CLASP1: variants seen among roughly 807,000 people sequenced by gnomAD.
CLASP1 encodes cytoplasmic linker associated protein 1.
A neutral mutation model predicts 192.3 loss-of-function variants in CLASP1; 38 were observed. That is an observed-to-expected ratio of 0.20 (90% CI 0.15 to 0.26). The LOEUF is 0.26. CLASP1 is among the 10% of genes least tolerant of loss of function. The pLI is 1.00. For synonymous variants in CLASP1, 691 were observed against 712.8 expected (o/e 0.97, Z 0.49); for missense variants, 1,433 against 1,932.5 (o/e 0.74, Z 4.85).
At chr2:121,387,418 G>A (rs1455687042) in intron 31 of CLASP1, among the ~76,000 whole-genome samples, 190 bp from the exon 33 acceptor site, 2 of 151,850 alleles carry the variant, frequency 1.3e-5, no homozygotes, top group Non-Finnish European at 2.9e-5. Flanking sequence ...CATCATACAA[G>A]CACTCCTGGA....
chr2:121,358,006 T>G (rs760508748), intron 37 of CLASP1, among the ~76,000 whole-genome samples: 1 of 152,226 alleles, frequency 6.6e-6, no homozygotes, highest in Non-Finnish European at 1.5e-5. Flanking sequence ...ACCACACGAC[T>G]CTGCTTTAAC....
chr2:121,433,965 A>C (rs1216264436), intron 19 of CLASP1, among the ~76,000 whole-genome samples: 1 of 152,186 alleles, frequency 6.6e-6, no homozygotes, highest in Non-Finnish European at 1.5e-5. Context: ...CTCCACTGAT[A>C]AACTGACAAT....
At chr2:121,604,241 AGACTTT>A (rs2105900058) in intron 2 of CLASP1, among the ~76,000 whole-genome samples, 1 of 152,374 alleles carries the variant, frequency 6.6e-6, no homozygotes, top group Non-Finnish European at 1.5e-5. Context: ...TGTAGTGACT[AGACTTT>A]ATCACCTCTC....
At chr2:121,601,670 G>C (rs1417167685) in intron 2 of CLASP1, among the ~76,000 whole-genome samples, 5 of 152,080 alleles carry the variant, frequency 3.3e-5, no homozygotes, top group African/African-American at 1.2e-4. Context: ...TTAGGCAAGA[G>C]AAAGAAATAA....
chr2:121,554,451 A>G (rs2058339388), intron 2 of CLASP1, among the ~76,000 whole-genome samples: 1 of 119,966 alleles, frequency 8.3e-6, no homozygotes, highest in Non-Finnish European at 1.6e-5. Context: ...CCTCTACAAA[A>G]AGTAAAAAAA....
chr2:121,448,252 C>T (rs772382550), intron 18 of CLASP1, 24 bp downstream of exon 18: 2 of 1,606,856 alleles, frequency 1.2e-6, no homozygotes, highest in Non-Finnish European at 1.7e-6. Context: ...GAGAACAGGC[C>T]TTCTCCACGG....
chr2:121,386,232 TA>T (rs560652794), intron 32 of CLASP1, among the ~76,000 whole-genome samples: 2 of 152,198 alleles, frequency 1.3e-5, no homozygotes, highest in Non-Finnish European at 2.9e-5. Context: ...AAAGGGAAAA[TA>T]GCATACTTGT....
At chr2:121,618,040 T>C (rs919959480) in intron 1 of CLASP1, among the ~76,000 whole-genome samples, 3 of 152,346 alleles carry the variant, frequency 2.0e-5, no homozygotes, top group African/African-American at 7.2e-5. Context: ...TGCTAGCTCC[T>C]CAGAGACCCA....
chr2:121,385,355 A>G lies in CLASP1; in HGVS notation c.3374+1767T>C, dbSNP rs146750948. ...AGAAACTACATAAATAATTCCCTAA[A>G]TAAGAATTTGATAACAAGAAAATAT... is the stretch of plus-strand genomic sequence containing the variant. On this transcript the variant is annotated intron_variant, in intron 32 of 39. Coordinates refer to ENST00000263710, the Ensembl canonical transcript of CLASP1. Among the ~76,000 whole-genome samples the G allele has an allele frequency of 7.1e-3, 1,086 of 152,372 alleles. 9 individuals carry two copies. Among genetic ancestry groups the G allele is most frequent in the Middle Eastern group, 0.031 (9 of 294 alleles).
At chr2:121,407,672 G>T in exon 25 of CLASP1, 1 of 1,613,960 alleles carries the variant, frequency 6.2e-7, no homozygotes, top group Non-Finnish European at 8.5e-7. Flanking sequence ...ATCATCGTCA[G>T]AATACATCCC....
intron 10 of CLASP1, among the ~76,000 whole-genome samples, chr2:121,462,302 C>T (rs2088240412): frequency 6.6e-6 from 1 of 151,560 alleles, no homozygotes; most frequent in South Asian, 2.1e-4. Flanking sequence ...TGACCTGATC[C>T]ATAAACTTAA....
At chr2:121,562,288 G>T (rs1332493317) in intron 2 of CLASP1, among the ~76,000 whole-genome samples, 1 of 152,222 alleles carries the variant, frequency 6.6e-6, no homozygotes, top group African/African-American at 2.4e-5. Context: ...CTGCTAACCT[G>T]TGCGGAACAA....
chr2:121,534,433 A>G (rs1342460724), intron 2 of CLASP1, among the ~76,000 whole-genome samples: 1 of 152,250 alleles, frequency 6.6e-6, no homozygotes, highest in Non-Finnish European at 1.5e-5. Context: ...GTTTGTGCCC[A>G]AAAGCCCTGA....
intron 37 of CLASP1, among the ~76,000 whole-genome samples, chr2:121,358,345 A>C (rs1239811842): frequency 6.6e-6 from 1 of 152,186 alleles, no homozygotes. Context: ...TTGATAGGGT[A>C]AGAGATAAGG....
rs1482270282 is a variant in CLASP1 at position 121,542,588 on chromosome 2, GC to G, written c.196-12264del. On this transcript the variant is annotated intron_variant, in intron 2 of 39. Coordinates refer to ENST00000263710, the Ensembl canonical transcript of CLASP1. ...TTACCCAAACTTGTTATCCTTCAAA[GC>G]AGTCACCTAGGAAGTGCCTGGGTGC... Among the ~76,000 whole-genome samples the G allele has an allele frequency of 7.9e-5, 12 of 152,300 alleles. No individual in the cohort carries two copies. The East Asian group carries it at 2.3e-3, about 29-fold the overall frequency.
At position 121,366,664 on chromosome 2, in the gene CLASP1, C is replaced by T. The variant is rs527913943; in HGVS notation, c.3886+924G>A. Among the ~76,000 whole-genome samples, 33 of 152,304 alleles carry T rather than the reference C, an allele frequency of 2.2e-4. No homozygotes were observed. The East Asian group carries it at 3.3e-3, about 15-fold the overall frequency. ...GGCAACCCATACACTTCATGACACA[C>T]GGTAGGCCCTTAGTGAATGTTAACT... On this transcript the variant is annotated intron_variant, in intron 35 of 39. Coordinates refer to ENST00000263710, the Ensembl canonical transcript of CLASP1.
chr2:121,459,852 G>T, intron 12 of CLASP1, 128 bp downstream of exon 12: 1 of 739,080 alleles, frequency 1.4e-6, no homozygotes, highest in Non-Finnish European at 2.0e-6. Context: ...AGTGTTAACT[G>T]GAATGGGTCT....
chr2:121,531,109 G>T (rs996949966), intron 2 of CLASP1: 2 of 639,332 alleles, frequency 3.1e-6, no homozygotes, highest in Admixed American at 2.3e-5. Flanking sequence ...AAGACGCGTG[G>T]TTTTAGTGTC....
intron 22 of CLASP1, among the ~76,000 whole-genome samples, chr2:121,423,607 A>G (rs2079893795): frequency 6.6e-6 from 1 of 152,252 alleles, no homozygotes; most frequent in Admixed American, 6.5e-5. Context: ...CAGCTAAAAC[A>G]TAACACCTAG....
Sources: gnomAD v4.1 joint callset for allele counts (sites outside exome capture counted in the v4.1 genomes callset) on GRCh38, gnomAD v4.1.1 for gene constraint, MANE v1.5 for transcripts, NCBI Gene and HGNC (gene_info 2026-07-23, HGNC 2026-07-21) for gene names.